CC2D2A: variants seen among roughly 807,000 people sequenced by gnomAD.
The protein encoded by CC2D2A is coiled-coil and C2 domain containing 2A.
In CC2D2A, 155 loss-of-function variants were observed where a neutral mutation model predicts 212.9. The ratio of observed to expected loss-of-function variants is 0.73; its 90% CI spans 0.64 to 0.83. The LOEUF (loss-of-function observed/expected upper bound fraction) is 0.83, where lower values mean the gene tolerates loss of function less well. Among genes scored for constraint, CC2D2A ranks in the 40% least tolerant of loss-of-function variants. The pLI is 0.00. For synonymous variants in CC2D2A, 667 were observed against 686.5 expected, an observed-to-expected ratio of 0.97 and a Z score of 0.44; for missense variants, 1,856 against 1,956.2, an observed-to-expected ratio of 0.95 and a Z score of 0.97.
At chr4:15,505,036 C>T (rs1716179355) in intron 6 of CC2D2A, among the ~76,000 whole-genome samples, 1 of 152,160 alleles carries the variant, frequency 6.6e-6, no homozygotes. Context: ...GGGGTAATTC[C>T]AGAACCTAGT....
At chr4:15,530,334 A>T (rs1717782693) in intron 13 of CC2D2A, among the ~76,000 whole-genome samples, 1 of 152,226 alleles carries the variant, frequency 6.6e-6, no homozygotes. Context: ...TTCTTCCAGC[A>T]AAGTAGAAAT....
intron 30 of CC2D2A, among the ~76,000 whole-genome samples, chr4:15,585,926 G>T (rs1720838696): frequency 6.6e-6 from 1 of 152,150 alleles, no homozygotes; most frequent in South Asian, 2.1e-4. Flanking sequence ...AATTAAAAAA[G>T]ACTTGTCAAA....
intron 15 of CC2D2A, among the ~76,000 whole-genome samples, chr4:15,537,534 G>T (rs1220837993): frequency 6.6e-6 from 1 of 152,176 alleles, no homozygotes; most frequent in East Asian, 1.9e-4. Flanking sequence ...AATGCTCACT[G>T]TGCTTACATG....
chr4:15,530,689 T>C (rs1717803735), intron 13 of CC2D2A, among the ~76,000 whole-genome samples: 1 of 152,092 alleles, frequency 6.6e-6, no homozygotes, highest in African/African-American at 2.4e-5. Context: ...GAGATTTCCA[T>C]CCCTTGCTGA....
chr4:15,589,511 T>C (rs772662191), intron 32 of CC2D2A, 34 bp from the exon 33 acceptor site: 11 of 1,597,794 alleles, frequency 6.9e-6, no homozygotes, highest in Non-Finnish European at 9.4e-6. Context: ...GCATAAATAG[T>C]TGAAAACTAG....
At chr4:15,470,115 C>G (rs1713620182) in intron 1 of CC2D2A, 58 bp downstream of exon 1, 2 of 152,164 alleles carry the variant, frequency 1.3e-5, no homozygotes, top group Admixed American at 6.5e-5. Context: ...TTTTCAGTTA[C>G]CCGGCTTGAA....
At chr4:15,587,614 T>A (rs1259477236) in intron 31 of CC2D2A, among the ~76,000 whole-genome samples, 1 of 152,150 alleles carries the variant, frequency 6.6e-6, no homozygotes, top group East Asian at 1.9e-4. Flanking sequence ...ATCCACATCA[T>A]CAATGTCAGA....
intron 15 of CC2D2A, among the ~76,000 whole-genome samples, chr4:15,537,539 T>C (rs925062244): frequency 6.6e-6 from 1 of 152,196 alleles, no homozygotes; most frequent in African/African-American, 2.4e-5. Flanking sequence ...TCACTGTGCT[T>C]ACATGCCTTA....
chr4:15,527,564 C>T lies in CC2D2A; in HGVS notation c.1267C>T (p.Arg423Ter), dbSNP rs757208121. ...CTTCACTCATCATCCCTGTTTTAGC[C>T]GAGAGCATGTTTTGGCAGCCAAGCT... Reference protein sequence around the residue: ...LIFTHHPCFSREHVLAAKLAQ... With the variant: ...LIFTHHPCFS The change falls in exon 12 of 37, where the codon CGA (arginine) becomes TGA (stop). Residue 423 changes from arginine to a stop codon, truncating the protein, a stop_gained. Transcript: ENST00000424120. LOFTEE classifies it high-confidence loss of function. 6.2e-6 allele frequency: 10 copies of T among 1,613,208 alleles called. No homozygotes were observed. The highest frequency in any genetic ancestry group is 4.5e-5 in the East Asian group (2 of 44,884).
intron 6 of CC2D2A, among the ~76,000 whole-genome samples, chr4:15,505,357 G>C (rs187630217): frequency 1.3e-3 from 205 of 152,232 alleles, no homozygotes; most frequent in Non-Finnish European, 2.2e-3. Flanking sequence ...TGAAAACTTA[G>C]CCTCCACTAG....
chr4:15,542,441 C>T (rs1718503524), intron 17 of CC2D2A, among the ~76,000 whole-genome samples: 1 of 152,114 alleles, frequency 6.6e-6, no homozygotes, highest in Non-Finnish European at 1.5e-5. Context: ...ATTTCTCACT[C>T]CCCTCCACCA....
chr4:15,589,961 G>A (rs531872695), intron 33 of CC2D2A, among the ~76,000 whole-genome samples: 1 of 152,114 alleles, frequency 6.6e-6, no homozygotes, highest in Non-Finnish European at 1.5e-5. Flanking sequence ...CAGAGGACCT[G>A]AGTTTGTGTC....
chr4:15,471,062 A>C (rs1015142152), intron 1 of CC2D2A, among the ~76,000 whole-genome samples: 8 of 152,124 alleles, frequency 5.3e-5, no homozygotes, highest in Admixed American at 2.0e-4. Context: ...GCCAGTGTAC[A>C]TTATATCGAG....
rs1370023563 is a variant in CC2D2A at position 15,586,066 on chromosome 4, T to C, written c.3976-91T>C. 2.0e-5 allele frequency: 17 copies of C among 837,666 alleles called. No homozygotes were observed. The East Asian group carries it at 3.5e-4, about 17-fold the overall frequency. The allele number at this position is 837,666 out of a possible 1,614,324, so 51.9% of individuals were successfully genotyped here. A position where few individuals can be genotyped will look rare whatever the true frequency, so the allele number is the denominator to read the frequency against. ...GTTTCATTTTGTACATGTAAATGTT[T>C]GTAATATTTGAGATTTAAGAAATGA... On this transcript the variant is annotated intron_variant, in intron 30 of 36. Transcript: ENST00000424120.
intron 36 of CC2D2A, among the ~76,000 whole-genome samples, chr4:15,600,850 T>C (rs1577407503): frequency 7.0e-6 from 1 of 142,634 alleles, no homozygotes; most frequent in South Asian, 2.1e-4. Flanking sequence ...GCTGCAGTGG[T>C]GAGCCATGAT....
chr4:15,538,156 C>A lies in CC2D2A; in HGVS notation c.2003+19C>A, dbSNP rs17476642. 7 of 1,515,630 alleles carry A rather than the reference C, an allele frequency of 4.6e-6. No homozygotes were observed. The highest frequency in any genetic ancestry group is 6.2e-6 in the Non-Finnish European group (7 of 1,128,206). 93.9% of individuals were successfully genotyped at this position (1,515,630 alleles called of 1,614,324 possible). A position where few individuals can be genotyped will look rare whatever the true frequency, so the allele number is the denominator to read the frequency against. On this transcript the variant is annotated intron_variant, in intron 16 of 36. Transcript: ENST00000424120. ...GCCCCAGGTGAGTGGATGCTCCGACCGTAAATGAGGCTGACATCTGATACA... is the reference window on the plus strand; with the variant it reads ...GCCCCAGGTGAGTGGATGCTCCGACAGTAAATGAGGCTGACATCTGATACA...
At position 15,483,942 on chromosome 4, in the gene CC2D2A, T is replaced by C. The variant is rs1376280238; in HGVS notation, c.247+3115T>C. Among the ~76,000 whole-genome samples the C allele has an allele frequency of 9.8e-5, 15 of 152,338 alleles. No individual in the cohort carries two copies. The East Asian group carries it at 2.9e-3, about 29-fold the overall frequency. On this transcript the variant is annotated intron_variant, in intron 4 of 36. Transcript: ENST00000424120. Reference sequence around the variant, plus strand: ...ACAAGAGTGGGTACCAGTCTCTACCTATCTTACTCCCTTGGGCAAGTTCTC... The same window carrying C: ...ACAAGAGTGGGTACCAGTCTCTACCCATCTTACTCCCTTGGGCAAGTTCTC...
intron 4 of CC2D2A, among the ~76,000 whole-genome samples, chr4:15,501,855 A>G (rs1715971244): frequency 6.6e-6 from 1 of 152,212 alleles, no homozygotes; most frequent in African/African-American, 2.4e-5. Flanking sequence ...CTGGCACACA[A>G]TAGCTGCCTG....
chr4:15,490,461 C>T (rs1280621045), intron 4 of CC2D2A, among the ~76,000 whole-genome samples: 1 of 152,156 alleles, frequency 6.6e-6, no homozygotes. Context: ...AGTATTGTAG[C>T]ATGTATCCAC....
Sources: gnomAD v4.1 joint callset for allele counts (sites outside exome capture counted in the v4.1 genomes callset) on GRCh38, gnomAD v4.1.1 for gene constraint, MANE v1.5 for transcripts, NCBI Gene and HGNC (gene_info 2026-07-23, HGNC 2026-07-21) for gene names.